Variants in SPATA22 observed in about 807,000 individuals in gnomAD.
SPATA22 encodes spermatogenesis associated 22, also known as spermatogenesis-associated protein 22.
In SPATA22, 29 loss-of-function variants were observed where a neutral mutation model predicts 47.8. The ratio of observed to expected loss-of-function variants is 0.61; its 90% CI spans 0.45 to 0.83. The LOEUF (loss-of-function observed/expected upper bound fraction) is 0.83. SPATA22 is among the 40% of genes least tolerant of loss of function. The pLI is 0.00. For missense variants in SPATA22, 410 were observed against 421.7 expected, an observed-to-expected ratio of 0.97 and a Z score of 0.24; for synonymous variants, 133 against 140.9, an observed-to-expected ratio of 0.94 and a Z score of 0.40.
intron 1 of SPATA22, chr17:3,502,938 C>T (rs1162997579): frequency 6.6e-6 from 1 of 152,188 alleles, no homozygotes; most frequent in African/African-American, 2.4e-5. Context: ...GAAATGTGAC[C>T]CACAGCTATG....
In SPATA22 at chr17:3,446,357, C is replaced by A. The variant is rs2072725981; in HGVS notation, c.802+115G>T. 4 of 1,008,556 alleles carry A rather than the reference C, an allele frequency of 4.0e-6. No individual in the cohort carries two copies. In the Admixed American group the frequency reaches 1.3e-4, roughly 32 times the overall value. The allele number at this position is 1,008,556 out of a possible 1,614,324, so 62.5% of individuals were successfully genotyped here. The stretch of plus-strand genomic sequence containing the variant: ...TATTAAAACCAGTTCTTTGAATACA[C>A]TTTAGGGAGTAGCAAAAAGCAGACT... On this transcript the variant is annotated intron_variant, in intron 7 of 8. Transcript: ENST00000572969.
At position 3,483,490 on chromosome 17, in the gene SPATA22, T is replaced by A. The variant is rs2150748576; in HGVS notation, c.-73-14092A>T. The A allele has an allele frequency of 1.9e-6, 3 of 1,613,474 alleles. No homozygotes were observed. Among genetic ancestry groups the A allele is most frequent in the Non-Finnish European group, 2.5e-6 (3 of 1,179,456 alleles). ...TTTACCTAAGAAAGACGTTTTTGAT[T>A]TTTTTCAGACTTCTCTGGCTCCACT... On this transcript the variant is annotated intron_variant, in intron 1 of 8. Coordinates refer to the SPATA22 transcript ENST00000541913.
At chr17:3,482,340 T>C (rs1045070475) in intron 1 of SPATA22, among the ~76,000 whole-genome samples, 7 of 152,220 alleles carry the variant, frequency 4.6e-5, no homozygotes, top group African/African-American at 1.7e-4. Context: ...ATACGTCTAA[T>C]CTTTCAGTAC....
intron 6 of SPATA22, among the ~76,000 whole-genome samples, chr17:3,447,368 C>T (rs1421115220): frequency 1.3e-5 from 2 of 152,138 alleles, no homozygotes; most frequent in Non-Finnish European, 2.9e-5. Context: ...TTGTGAAGAA[C>T]ATATGATGGG....
intron 1 of SPATA22, among the ~76,000 whole-genome samples, chr17:3,492,004 G>A (rs568335636): frequency 5.3e-5 from 8 of 151,262 alleles, no homozygotes; most frequent in Admixed American, 2.0e-4. Context: ...AGCCTCCTGA[G>A]TTGCTGGGAC....
chr17:3,507,240 A>G (rs1302793473), intron 1 of SPATA22, among the ~76,000 whole-genome samples: 1 of 152,234 alleles, frequency 6.6e-6, no homozygotes, highest in African/African-American at 2.4e-5. Flanking sequence ...TGGTTTTAAA[A>G]AATAAAACAG....
intron 3 of SPATA22, among the ~76,000 whole-genome samples, chr17:3,464,571 T>A (rs1178835519): frequency 7.2e-6 from 1 of 138,896 alleles, no homozygotes; most frequent in Non-Finnish European, 1.6e-5. Context: ...ATCTAGGAAG[T>A]GAGGAGCGTC....
At chr17:3,443,018 T>C (rs537765758) in intron 8 of SPATA22, among the ~76,000 whole-genome samples, 156 bp downstream of exon 8, 44 of 152,132 alleles carry the variant, frequency 2.9e-4, no homozygotes, top group African/African-American at 1.1e-3. Flanking sequence ...TAGTAGGCTC[T>C]CTATATTATA....
At chr17:3,454,598 T>C (rs2072941873) in intron 5 of SPATA22, among the ~76,000 whole-genome samples, 1 of 152,010 alleles carries the variant, frequency 6.6e-6, no homozygotes, top group African/African-American at 2.4e-5. Flanking sequence ...TGATTTCCAA[T>C]TTCATCCATG....
At chr17:3,491,173 C>T (rs1294075138) in intron 1 of SPATA22, among the ~76,000 whole-genome samples, 1 of 152,204 alleles carries the variant, frequency 6.6e-6, no homozygotes, top group Non-Finnish European at 1.5e-5. Flanking sequence ...AGCAGGAAAA[C>T]ATCCTGGTTG....
At chr17:3,494,488 G>C in intron 1 of SPATA22, 5 of 1,533,126 alleles carry the variant, frequency 3.3e-6, no homozygotes, top group Non-Finnish European at 4.5e-6. Flanking sequence ...TTAAAATGTT[G>C]AAAATAATAA....
chr17:3,463,460 A>G (rs2073176510), intron 3 of SPATA22, among the ~76,000 whole-genome samples: 1 of 152,256 alleles, frequency 6.6e-6, no homozygotes, highest in Non-Finnish European at 1.5e-5. Context: ...ATATCTAAAC[A>G]TAGAAAAGGT....
At chr17:3,499,364 T>C (rs2073963312) in intron 1 of SPATA22, 1 of 264,084 alleles carries the variant, frequency 3.8e-6, no homozygotes, top group East Asian at 7.3e-5. Flanking sequence ...TAAACAGCCT[T>C]TGTATTCAGA....
intron 5 of SPATA22, among the ~76,000 whole-genome samples, chr17:3,456,529 C>T (rs897476859): frequency 3.3e-5 from 5 of 151,836 alleles, no homozygotes; most frequent in Non-Finnish European, 7.4e-5. Flanking sequence ...AGACCAATAA[C>T]AGGAGCTGAA....
At chr17:3,489,382 C>T in intron 1 of SPATA22, 1 of 1,480,734 alleles carries the variant, frequency 6.8e-7, no homozygotes, top group Non-Finnish European at 9.4e-7. Flanking sequence ...ACTTAACCAC[C>T]AAACATTTAA....
upstream of SPATA22, chr17:3,474,013 A>C (rs2073485977): frequency 6.6e-6 from 1 of 152,212 alleles, no homozygotes; most frequent in Non-Finnish European, 1.5e-5. Flanking sequence ...GGGTCATCCC[A>C]AAAATCAAGT....
Position 3,494,465 on chromosome 17 carries a change from A to G in SPATA22, c.-74+18947T>C, listed in dbSNP as rs748011528. The G allele has an allele frequency of 1.6e-5, 25 of 1,587,794 alleles. 1 individual carries two copies. Among genetic ancestry groups the G allele is most frequent in the Non-Finnish European group, 2.0e-5 (23 of 1,156,134 alleles). Reference sequence around the variant, plus strand: ...TCATCCATCCTAATCTGCAGGTAACATTTGTTCTTTCTTTAAAATGTTGAA... The same window carrying G: ...TCATCCATCCTAATCTGCAGGTAACGTTTGTTCTTTCTTTAAAATGTTGAA... On this transcript the variant is annotated intron_variant, in intron 1 of 8. Coordinates refer to the SPATA22 transcript ENST00000541913.
intron 1 of SPATA22, among the ~76,000 whole-genome samples, chr17:3,496,184 C>T (rs2073905241): frequency 6.6e-6 from 1 of 152,036 alleles, no homozygotes; most frequent in Non-Finnish European, 1.5e-5. Context: ...GTTAATTCTG[C>T]CAACAAATAT....
At chr17:3,483,545 C>G in intron 1 of SPATA22, 1 of 1,614,132 alleles carries the variant, frequency 6.2e-7, no homozygotes, top group Non-Finnish European at 8.5e-7. Context: ...ATTGAGCATC[C>G]TTCCCTCAAA....
Sources: gnomAD v4.1 joint callset for allele counts (sites outside exome capture counted in the v4.1 genomes callset) on GRCh38, gnomAD v4.1.1 for gene constraint, MANE v1.5 for transcripts, NCBI Gene and HGNC (gene_info 2026-07-23, HGNC 2026-07-21) for gene names.